PRIM2: variants seen among roughly 807,000 people sequenced by gnomAD.
The protein encoded by PRIM2 is DNA primase large subunit.
Under a neutral mutation model 67.3 loss-of-function variants are expected in PRIM2, and 39 were observed. That is an observed-to-expected ratio of 0.58 (90% CI 0.45 to 0.76). The LOEUF (loss-of-function observed/expected upper bound fraction) is 0.76. Ranked by LOEUF, PRIM2 falls within the 30% of genes least tolerant of loss-of-function variation. The pLI, the probability that PRIM2 is intolerant of heterozygous loss-of-function variation, is 0.00. For synonymous variants in PRIM2, 143 were observed against 198.7 expected, an observed-to-expected ratio of 0.72 and a Z score of 2.36; for missense variants, 398 against 598.7, an observed-to-expected ratio of 0.66 and a Z score of 3.50.
chr6:57,311,785 G>T (rs369731247), upstream of PRIM2, among the ~76,000 whole-genome samples: 4 of 152,194 alleles, frequency 2.6e-5, no homozygotes, highest in East Asian at 5.8e-4. Flanking sequence ...CCAGCACCTC[G>T]GGAGGCGGAG....
At chr6:57,410,765 G>T (rs112665677) in intron 7 of PRIM2, among the ~76,000 whole-genome samples, 1 of 152,092 alleles carries the variant, frequency 6.6e-6, no homozygotes, top group African/African-American at 2.4e-5. Flanking sequence ...CCTCTGCTAC[G>T]ATGTTTAATA....
intron 7 of PRIM2, among the ~76,000 whole-genome samples, chr6:57,449,984 A>G (rs1345107735): frequency 7.2e-5 from 11 of 152,056 alleles, no homozygotes; most frequent in Admixed American, 2.6e-4. Flanking sequence ...GACAAAGGTA[A>G]CTCAGTTTTG....
intron 7 of PRIM2, among the ~76,000 whole-genome samples, chr6:57,461,491 CAG>C (rs1456438850): frequency 6.6e-6 from 1 of 152,062 alleles, no homozygotes; most frequent in Non-Finnish European, 1.5e-5. Context: ...GAAGGCATAG[CAG>C]AGCCCTCCAT....
chr6:57,239,907 A>G, the PRIM2 span, among the ~76,000 whole-genome samples: 1 of 152,166 alleles, frequency 6.6e-6, no homozygotes, highest in Non-Finnish European at 1.5e-5. Context: ...GAGCACCTAC[A>G]ATGTTATGCA....
chr6:57,454,463 A>G (rs1772683484), intron 7 of PRIM2, among the ~76,000 whole-genome samples: 1 of 152,132 alleles, frequency 6.6e-6, no homozygotes, highest in African/African-American at 2.4e-5. Context: ...CCTCAATTTC[A>G]GAGCCTGTTA....
chr6:57,279,105 C>T, the PRIM2 span, among the ~76,000 whole-genome samples: 1 of 152,132 alleles, frequency 6.6e-6, no homozygotes, highest in African/African-American at 2.4e-5. Context: ...GGTGAAATTA[C>T]GGTCTGTGAA....
intron 13 of PRIM2, among the ~76,000 whole-genome samples, chr6:57,645,144 A>C (rs1209260178): frequency 1.3e-5 from 2 of 152,144 alleles, no homozygotes; most frequent in African/African-American, 2.4e-5. Context: ...AGTCAGCTCT[A>C]AAACACAAGT....
intron 7 of PRIM2, among the ~76,000 whole-genome samples, chr6:57,432,174 A>G (rs1433528759): frequency 1.2e-4 from 18 of 152,268 alleles, no homozygotes; most frequent in African/African-American, 4.3e-4. Context: ...TTTGCCAACA[A>G]TTGGACTAAA....
At chr6:57,461,802 A>G (rs1773014558) in intron 7 of PRIM2, among the ~76,000 whole-genome samples, 1 of 152,216 alleles carries the variant, frequency 6.6e-6, no homozygotes, top group Non-Finnish European at 1.5e-5. Flanking sequence ...GAATATACCT[A>G]GTAGCTAGAA....
At chr6:57,412,785 TC>T (rs1213745574) in intron 7 of PRIM2, among the ~76,000 whole-genome samples, 1 of 152,004 alleles carries the variant, frequency 6.6e-6, no homozygotes, top group Non-Finnish European at 1.5e-5. Context: ...GAAAACAAGT[TC>T]CTGTAATAAA....
chr6:57,452,825 A>C (rs1489421737), intron 7 of PRIM2, among the ~76,000 whole-genome samples: 2 of 152,140 alleles, frequency 1.3e-5, no homozygotes, highest in East Asian at 3.8e-4. Flanking sequence ...TTCTGTTGCC[A>C]TTGCTTTTGG....
At chr6:57,514,563 T>A (rs1250607550) in intron 8 of PRIM2, among the ~76,000 whole-genome samples, 1 of 152,220 alleles carries the variant, frequency 6.6e-6, no homozygotes, top group Non-Finnish European at 1.5e-5. Flanking sequence ...GCTTTTATAG[T>A]TCACTGATTA....
chr6:57,402,125 A>C (rs1335862480), intron 7 of PRIM2, among the ~76,000 whole-genome samples: 1 of 152,152 alleles, frequency 6.6e-6, no homozygotes, highest in Non-Finnish European at 1.5e-5. Flanking sequence ...CCACTTTTCC[A>C]TAGGGCTGCT....
At chr6:57,593,125 A>C (rs1224824303) in intron 10 of PRIM2, among the ~76,000 whole-genome samples, 12 of 152,188 alleles carry the variant, frequency 7.9e-5, no homozygotes, top group African/African-American at 2.6e-4. Flanking sequence ...ATAGAAATGC[A>C]TATTGGTATA....
At chr6:57,396,630 G>A (rs1581861340) in intron 7 of PRIM2, among the ~76,000 whole-genome samples, 1 of 152,160 alleles carries the variant, frequency 6.6e-6, no homozygotes, top group Non-Finnish European at 1.5e-5. Context: ...TCTGAGTGGA[G>A]CATTTAGGTC....
At chr6:57,465,272 A>C (rs2127399258) in intron 7 of PRIM2, among the ~76,000 whole-genome samples, 1 of 152,232 alleles carries the variant, frequency 6.6e-6, no homozygotes, top group East Asian at 1.9e-4. Context: ...TCTTGTAGCT[A>C]GGGTATGGGC....
At chr6:57,229,985 G>T in the PRIM2 span, among the ~76,000 whole-genome samples, 1 of 152,140 alleles carries the variant, frequency 6.6e-6, no homozygotes, top group Non-Finnish European at 1.5e-5. Flanking sequence ...CCTGTACAAT[G>T]GCTTGATATC....
At chr6:57,276,626 G>C in the PRIM2 span, among the ~76,000 whole-genome samples, 1 of 152,010 alleles carries the variant, frequency 6.6e-6, no homozygotes, top group Non-Finnish European at 1.5e-5. Flanking sequence ...ATGAAGAAAT[G>C]ATCATTAAGA....
At chr6:57,398,141 G>A (rs1174542650) in intron 7 of PRIM2, among the ~76,000 whole-genome samples, 1 of 151,810 alleles carries the variant, frequency 6.6e-6, no homozygotes, top group African/African-American at 2.4e-5. Flanking sequence ...TGTATTTTTA[G>A]TAGAGGTGGG....
Sources: gnomAD v4.1 joint callset for allele counts (sites outside exome capture counted in the v4.1 genomes callset) on GRCh38, gnomAD v4.1.1 for gene constraint, MANE v1.5 for transcripts, NCBI Gene and HGNC (gene_info 2026-07-23, HGNC 2026-07-21) for gene names.